BICDL2: variants seen among roughly 807,000 people sequenced by gnomAD.
BICDL2 encodes the protein BICD family like cargo adaptor 2.
Under a neutral mutation model 56.6 loss-of-function variants are expected in BICDL2, and 62 were observed. The ratio of observed to expected loss-of-function variants is 1.10; its 90% CI spans 0.89 to 1.35. BICDL2 has a LOEUF of 1.35. BICDL2 is among the 40% of genes most tolerant of loss of function. BICDL2 has a pLI of 0.00. For synonymous variants in BICDL2, 358 were observed against 319.8 expected, an observed-to-expected ratio of 1.12 and a Z score of -1.27; for missense variants, 808 against 684.5, an observed-to-expected ratio of 1.18 and a Z score of -2.01.
At chr16:3,033,610 A>C (rs1955686445) in intron 2 of BICDL2, among the ~76,000 whole-genome samples, 1 of 152,220 alleles carries the variant, frequency 6.6e-6, no homozygotes, top group Non-Finnish European at 1.5e-5. Context: ...GTGAGACCTC[A>C]TCTCTACAAA....
At chr16:3,035,185 A>ACCCCCCCCCCCCCCCC in intron 2 of BICDL2, 30 bp downstream of exon 2, 1 of 41,126 alleles carries the variant, frequency 2.4e-5, no homozygotes, top group South Asian at 2.1e-4. Flanking sequence ...CTGCCCACCC[A>ACCCCCCCCCCCCCCCC]CCCACCCACC....
chr16:3,028,039 C>G lies in BICDL2; in HGVS notation c.*67G>C. ...TTTTGGAAGACAATCTGGGCCCTGT[C>G]GCTCCATTGGCCTGAAGAGGAAAGT... On this transcript the variant is annotated 3_prime_UTR_variant, in exon 10 of 10. Coordinates refer to ENST00000572449, the MANE Select transcript of BICDL2 (RefSeq NM_001369667.1). The G allele has an allele frequency of 2.9e-6, 4 of 1,388,084 alleles. No homozygotes were observed. The highest frequency in any genetic ancestry group is 3.7e-6 in the Non-Finnish European group (4 of 1,073,016). 86.0% of individuals were successfully genotyped at this position (1,388,084 alleles called of 1,614,324 possible). A position where few individuals can be genotyped will look rare whatever the true frequency, so the allele number is the denominator to read the frequency against.
chr16:3,036,034 G>C (rs1955729237), intron 1 of BICDL2: 1 of 324,082 alleles, frequency 3.1e-6, no homozygotes, highest in African/African-American at 2.2e-5. Flanking sequence ...CCCAGCCCCT[G>C]ACCTCCCGGG....
At chr16:3,035,014 G>T in intron 2 of BICDL2, 1 of 596,300 alleles carries the variant, frequency 1.7e-6, no homozygotes, top group Non-Finnish European at 3.0e-6. Context: ...CCGGCACCCA[G>T]AGTTCATGTT....
intron 2 of BICDL2, chr16:3,034,970 A>G (rs1357242551): frequency 4.2e-5 from 21 of 503,570 alleles, no homozygotes; most frequent in Non-Finnish European, 6.4e-5. Flanking sequence ...TTGGCCTCCC[A>G]AAGTGCTGGG....
intron 8 of BICDL2, 51 bp from the exon 9 acceptor site, chr16:3,028,519 A>G: frequency 6.4e-7 from 1 of 1,558,362 alleles, no homozygotes; most frequent in South Asian, 1.2e-5. Flanking sequence ...GGCCTCAGGG[A>G]GCCGGGGTGG....
intron 5 of BICDL2, chr16:3,029,979 A>G: frequency 1.9e-6 from 1 of 530,600 alleles, no homozygotes; most frequent in Non-Finnish European, 3.3e-6. Flanking sequence ...TCCCCTGCCC[A>G]GTCTACCTCC....
rs749577766 is a variant in BICDL2, at chr16:3,028,332, G to A, written c.1359+16C>T. The A allele has an allele frequency of 3.3e-6, 5 of 1,495,470 alleles. 1 individual carries two copies. The South Asian group carries it at 3.6e-5, about 11-fold the overall frequency. The allele number at this position is 1,495,470 out of a possible 1,614,324, so 92.6% of individuals were successfully genotyped here. On this transcript the variant is annotated intron_variant, in intron 9 of 9. Coordinates refer to ENST00000572449, the MANE Select transcript of BICDL2 (RefSeq NM_001369667.1). ...CCGCCCCTTGCCCCGCCCCGCACAC[G>A]GGCCCCGCCCCTCACCTGCCAGGCC...
chr16:3,030,082 G>A (rs1955630165), intron 5 of BICDL2: 1 of 459,794 alleles, frequency 2.2e-6, no homozygotes, highest in Non-Finnish European at 3.9e-6. Context: ...GGATGCGAAG[G>A]AAGGCAAGCT....
intron 5 of BICDL2, 36 bp downstream of exon 5, chr16:3,030,413 T>C: frequency 1.3e-6 from 2 of 1,592,976 alleles, no homozygotes; most frequent in Non-Finnish European, 1.7e-6. Flanking sequence ...TTGCTAAGGG[T>C]CCAGGCAGTT....
Position 3,028,729 on chromosome 16 carries a change from G to T in BICDL2, c.1209C>A (p.Ala403=). ...TCACGGCCTCGTCCCGGTCTGAGAG[G>T]GCACTGTGCAGGGCCTCCCCAGGGT... ...QEDPGEALHS[A]LSDRDEAVNK... Residue 403 remains alanine (A), a synonymous_variant, in exon 8 of 10, where the codon GCC becomes GCA. Coordinates refer to ENST00000572449, the MANE Select transcript of BICDL2 (RefSeq NM_001369667.1). 3 of 1,567,496 alleles carry T rather than the reference G, an allele frequency of 1.9e-6. No individual in the cohort carries two copies. The highest frequency in any genetic ancestry group is 1.7e-6 in the Non-Finnish European group (2 of 1,156,380).
chr16:3,028,021 A>G lies in BICDL2; in HGVS notation c.*85T>C. 7.3e-7 allele frequency: 1 copy of G among 1,376,866 alleles called. No individual in the cohort carries two copies. Among genetic ancestry groups the G allele is most frequent in the Non-Finnish European group, 9.4e-7 (1 of 1,066,366 alleles). 85.3% of individuals were successfully genotyped at this position (1,376,866 alleles called of 1,614,324 possible). Reference sequence around the variant, plus strand: ...GGGGAGGGCATCAGCTTCTTTTGGAAGACAATCTGGGCCCTGTCGCTCCAT... The same window carrying G: ...GGGGAGGGCATCAGCTTCTTTTGGAGGACAATCTGGGCCCTGTCGCTCCAT... On this transcript the variant is annotated 3_prime_UTR_variant, in exon 10 of 10. Transcript: ENST00000572449.
intron 7 of BICDL2, 34 bp from the exon 8 acceptor site, chr16:3,028,864 G>C (rs1871245206): frequency 9.2e-6 from 14 of 1,518,340 alleles, no homozygotes; most frequent in Non-Finnish European, 1.2e-5. Context: ...TGCGGCAGAT[G>C]GGCCAATGGG....
chr16:3,036,814 C>A (rs1955739630), intron 1 of BICDL2, 80 bp downstream of exon 1: 3 of 333,712 alleles, frequency 9.0e-6, no homozygotes, highest in Non-Finnish European at 1.7e-5. Context: ...CCGGCTCCCC[C>A]ACCTTCTCCG....
chr16:3,035,661 ACCTGTGTTTTGG>A (rs1955724904), intron 1 of BICDL2, 135 bp from the exon 2 acceptor site: 1 of 761,446 alleles, frequency 1.3e-6, no homozygotes, highest in African/African-American at 1.8e-5. Flanking sequence ...AGGGTTAATG[ACCTGTGTTTTGG>A]CTACCCAGTT....
rs1409083231 is a variant in BICDL2 at position 3,028,337 on chromosome 16, C to A, written c.1359+11G>T. 6.5e-7 allele frequency: 1 copy of A among 1,549,580 alleles called. No individual in the cohort carries two copies. Among genetic ancestry groups the A allele is most frequent in the Non-Finnish European group, 8.7e-7 (1 of 1,155,408 alleles). On this transcript the variant is annotated intron_variant, in intron 9 of 9. Transcript: ENST00000572449. ...CCTTGCCCCGCCCCGCACACGGGCC[C>A]CGCCCCTCACCTGCCAGGCCTCCAG...
rs905374586 is a variant in BICDL2 at position 3,027,716 on chromosome 16, T to C, written c.*390A>G. 2.8e-5 allele frequency: 43 copies of C among 1,537,842 alleles called. No individual in the cohort carries two copies. The highest frequency in any genetic ancestry group is 4.9e-5 in the South Asian group (4 of 82,092). On this transcript the variant is annotated 3_prime_UTR_variant, in exon 10 of 10. Transcript: ENST00000572449. The stretch of plus-strand genomic sequence containing the variant: ...TAGAGTGTTTTTCATTTTCTTTTTT[T>C]TTTTTTTTTTACAATAAAGTTTCAG...
At position 3,030,482 on chromosome 16, in the gene BICDL2, C is replaced by G; in HGVS notation, c.729G>C (p.Leu243=). The G allele has an allele frequency of 1.2e-6, 2 of 1,604,338 alleles. No homozygotes were observed. The highest frequency in any genetic ancestry group is 1.7e-6 in the Non-Finnish European group (2 of 1,179,574). Residue 243 remains leucine, a synonymous_variant, in exon 5 of 10, where the codon CTG becomes CTC. Transcript: ENST00000572449. ...RLQTTHEELL[L]LRRERREHSL... ...TGTGCTCCCGCCGCTCCCGCCTCAGCAGCAGCAACTCCTCGTGGGTGGTCT... is the reference window on the plus strand; with the variant it reads ...TGTGCTCCCGCCGCTCCCGCCTCAGGAGCAGCAACTCCTCGTGGGTGGTCT...
At position 3,029,428 on chromosome 16, in the gene BICDL2, G is replaced by A. The variant is rs762295998; in HGVS notation, c.959C>T (p.Thr320Ile). The A allele has an allele frequency of 1.9e-6, 3 of 1,602,382 alleles. No individual in the cohort carries two copies. The African/African-American group carries it at 4.0e-5, about 21-fold the overall frequency. ...QGADAPGDTPTTRSPKTRKAS... is the reference protein window; with the variant it reads ...QGADAPGDTPITRSPKTRKAS... ...CTTTCGGGTCTTTGGGGACCGGGTG[G>A]TCTGTGGGCCAAAGAAATGGGTTAG... The change falls in exon 7 of 10, where the codon ACC becomes ATC. Residue 320 changes from threonine (T) to isoleucine (I), a missense_variant and splice_region_variant. By Grantham distance (89) the Thr-to-Ile change is moderately conservative. Coordinates refer to ENST00000572449, the MANE Select transcript of BICDL2 (RefSeq NM_001369667.1).
Sources: gnomAD v4.1 joint callset for allele counts (sites outside exome capture counted in the v4.1 genomes callset) on GRCh38, gnomAD v4.1.1 for gene constraint, MANE v1.5 for transcripts, NCBI Gene and HGNC (gene_info 2026-07-23, HGNC 2026-07-21) for gene names.